Variants in LPP observed in about 807,000 individuals in gnomAD.
LPP encodes the protein lipoma-preferred partner.
In LPP, 38 loss-of-function variants were observed where a neutral mutation model predicts 60.4. The ratio of observed to expected loss-of-function variants is 0.63; its 90% CI spans 0.49 to 0.83. LPP has a LOEUF of 0.83. Among genes scored for constraint, LPP ranks in the 40% least tolerant of loss-of-function variants. LPP has a pLI of 0.00. For synonymous variants in LPP, 328 were observed against 290.8 expected (o/e 1.13, Z -1.30); for missense variants, 902 against 783.6 (o/e 1.15, Z -1.80).
chr3:188,653,777 T>A (rs903039016), intron 7 of LPP, among the ~76,000 whole-genome samples: 4 of 152,206 alleles, frequency 2.6e-5, no homozygotes, highest in Non-Finnish European at 4.4e-5. Flanking sequence ...GATCTTTTTA[T>A]CTCTTTGTTT....
chr3:188,540,675 T>A (rs532392422), intron 6 of LPP, among the ~76,000 whole-genome samples: 21 of 152,318 alleles, frequency 1.4e-4, no homozygotes, highest in African/African-American at 5.1e-4. Flanking sequence ...TAAATGAGTT[T>A]CCATGTATAA....
chr3:188,439,249 G>A (rs757339541), intron 4 of LPP, among the ~76,000 whole-genome samples: 3 of 152,052 alleles, frequency 2.0e-5, no homozygotes, highest in Non-Finnish European at 4.4e-5. Flanking sequence ...ATGTTAAAGG[G>A]GGTTACAGCC....
intron 2 of LPP, among the ~76,000 whole-genome samples, chr3:188,239,527 A>G: frequency 6.6e-6 from 1 of 152,222 alleles, no homozygotes; most frequent in Non-Finnish European, 1.5e-5. Context: ...TGGTTTTAAC[A>G]AAATTTTTAA....
intron 3 of LPP, among the ~76,000 whole-genome samples, chr3:188,374,259 C>T (rs982381736): frequency 6.6e-6 from 1 of 151,970 alleles, no homozygotes; most frequent in Non-Finnish European, 1.5e-5. Flanking sequence ...TCATTGGTAG[C>T]TTGATGGGGA....
chr3:188,195,048 CA>C (rs1221997673), intron 1 of LPP, among the ~76,000 whole-genome samples: 1 of 152,130 alleles, frequency 6.6e-6, no homozygotes, highest in Non-Finnish European at 1.5e-5. Flanking sequence ...CACCTGAGAT[CA>C]GGAGTTCAAG....
At chr3:188,689,713 C>T (rs1231323681) in intron 7 of LPP, among the ~76,000 whole-genome samples, 1 of 152,190 alleles carries the variant, frequency 6.6e-6, no homozygotes, top group African/African-American at 2.4e-5. Flanking sequence ...AATTAGTACC[C>T]TTTACTATAT....
chr3:188,250,784 T>TCTGTCTGTCTG (rs1729057230), intron 2 of LPP, among the ~76,000 whole-genome samples: 1 of 116,850 alleles, frequency 8.6e-6, no homozygotes, highest in African/African-American at 3.7e-5. Context: ...CTTTCTTTCT[T>TCTGTCTGTCTG]TCTGTCTTTC....
intron 2 of LPP, among the ~76,000 whole-genome samples, chr3:188,319,907 C>G (rs1756442262): frequency 6.6e-6 from 1 of 152,120 alleles, no homozygotes; most frequent in Non-Finnish European, 1.5e-5. Flanking sequence ...TCTTTGTCTC[C>G]TCCTGACTGT....
At chr3:188,187,679 T>C (rs1234902742) in intron 1 of LPP, among the ~76,000 whole-genome samples, 1 of 152,164 alleles carries the variant, frequency 6.6e-6, no homozygotes, top group African/African-American at 2.4e-5. Flanking sequence ...TCTTACGCAG[T>C]TTCCCCCTCT....
intron 6 of LPP, among the ~76,000 whole-genome samples, chr3:188,557,103 T>C (rs562560533): frequency 6.6e-5 from 10 of 152,164 alleles, no homozygotes; most frequent in African/African-American, 2.2e-4. Context: ...CCCTTTCTAT[T>C]TCTGGGACCT....
intron 9 of LPP, among the ~76,000 whole-genome samples, chr3:188,787,462 G>A (rs568921902): frequency 6.6e-6 from 1 of 151,716 alleles, no homozygotes; most frequent in African/African-American, 2.4e-5. Flanking sequence ...AAGCTTTATT[G>A]TCTTTGCTCT....
chr3:188,830,498 C>T (rs1756867646), intron 9 of LPP, among the ~76,000 whole-genome samples: 1 of 151,294 alleles, frequency 6.6e-6, no homozygotes, highest in African/African-American at 2.4e-5. Flanking sequence ...CCCAGTTACT[C>T]GGAGGCTGAG....
At chr3:188,779,954 AAT>A (rs142089734) in intron 9 of LPP, among the ~76,000 whole-genome samples, 1 of 151,246 alleles carries the variant, frequency 6.6e-6, no homozygotes, top group Non-Finnish European at 1.5e-5. Flanking sequence ...TTCTTATTTA[AAT>A]ATATATATAT....
rs11293941 is a variant in LPP at position 188,880,966 on chromosome 3, TAA to T, written c.*6501_*6502del. On this transcript the variant is annotated 3_prime_UTR_variant, in exon 12 of 12. Coordinates refer to ENST00000617246, the MANE Select transcript of LPP (RefSeq NM_001375462.1). ...TAACACGGTGAAACCCCGTCTCTAC[TAA>T]AAAAAAAAAAAAATACAAAAAATTA... 0.014 allele frequency: 2,001 copies of T among 147,592 alleles called. 2 individuals carry two copies. The highest frequency in any genetic ancestry group is 0.057 in the East Asian group (339 of 5,918). 9.1% of individuals were successfully genotyped at this position (147,592 alleles called of 1,614,324 possible).
intron 6 of LPP, among the ~76,000 whole-genome samples, chr3:188,537,272 G>A (rs1408870520): frequency 6.6e-6 from 1 of 151,864 alleles, no homozygotes; most frequent in Non-Finnish European, 1.5e-5. Context: ...TCTGAAGGAA[G>A]AGTGGATAGA....
chr3:188,624,611 C>T (rs1846411535), intron 7 of LPP, among the ~76,000 whole-genome samples: 1 of 152,178 alleles, frequency 6.6e-6, no homozygotes, highest in Non-Finnish European at 1.5e-5. Context: ...CCTTCTGTGG[C>T]AGTTCTGTGA....
chr3:188,302,169 C>A (rs1008195060), intron 2 of LPP, among the ~76,000 whole-genome samples: 1 of 152,126 alleles, frequency 6.6e-6, no homozygotes, highest in Non-Finnish European at 1.5e-5. Context: ...TGCATTTACT[C>A]TCTCGTTTAA....
Position 188,507,558 on chromosome 3 carries a change from G to A in LPP, c.307-17107G>A, listed in dbSNP as rs543811879. On this transcript the variant is annotated intron_variant, in intron 5 of 11. Coordinates refer to ENST00000617246, the MANE Select transcript of LPP (RefSeq NM_001375462.1). Reference sequence around the variant, plus strand: ...CTTGATGAAACCTCAAACCCACTAGGCACAGATTCCTCAACCTCAACTATG... The same window carrying A: ...CTTGATGAAACCTCAAACCCACTAGACACAGATTCCTCAACCTCAACTATG... 2.0e-5 allele frequency among the ~76,000 whole-genome samples: 3 copies of A among 152,076 alleles called. No individual in the cohort carries two copies. The South Asian group carries it at 6.2e-4, about 32-fold the overall frequency.
rs1741212349 is a variant in LPP, at chr3:188,785,352, TATATATATATTCCATC to T, written c.1410+25081_1410+25096del. On this transcript the variant is annotated intron_variant, in intron 9 of 11. Coordinates refer to ENST00000617246, the MANE Select transcript of LPP (RefSeq NM_001375462.1). Reference sequence around the variant, plus strand: ...TCCATCATATATATATATTCCATCATATATATATATTCCATCATATATATATATTCCATCATATATA... The same window carrying T: ...TCCATCATATATATATATTCCATCATATATATATATATTCCATCATATATA... 7.7e-3 allele frequency among the ~76,000 whole-genome samples: 30 copies of T among 3,912 alleles called. 7 individuals are homozygous for T. Among genetic ancestry groups the T allele is most frequent in the African/African-American group, 0.027 (24 of 874 alleles). 2.6% of individuals were successfully genotyped at this position (3,912 alleles called of 152,430 possible).
Sources: gnomAD v4.1 joint callset for allele counts (sites outside exome capture counted in the v4.1 genomes callset) on GRCh38, gnomAD v4.1.1 for gene constraint, MANE v1.5 for transcripts, NCBI Gene and HGNC (gene_info 2026-07-23, HGNC 2026-07-21) for gene names.